Variants in CACNA2D3 observed in about 807,000 individuals in gnomAD.
The protein encoded by CACNA2D3 is voltage-dependent calcium channel subunit alpha-2/delta-3.
A neutral mutation model predicts 160.6 loss-of-function variants in CACNA2D3; 60 were observed. That is an observed-to-expected ratio of 0.37 (90% CI 0.30 to 0.46). CACNA2D3 has a LOEUF of 0.46. Among genes scored for constraint, CACNA2D3 ranks in the 20% least tolerant of loss-of-function variants. The pLI, the probability that CACNA2D3 is intolerant of heterozygous loss-of-function variation, is 1.00. For missense variants in CACNA2D3, 1,205 were observed against 1,365.0 expected, an observed-to-expected ratio of 0.88 and a Z score of 1.85; for synonymous variants, 558 against 492.9, an observed-to-expected ratio of 1.13 and a Z score of -1.75.
intron 2 of CACNA2D3, among the ~76,000 whole-genome samples, chr3:54,142,616 C>T (rs1699958201): frequency 6.6e-6 from 1 of 152,124 alleles, no homozygotes; most frequent in Admixed American, 6.5e-5. Context: ...GATGATGATA[C>T]ACTACTACTT....
At chr3:54,206,502 C>T (rs1378011968) in intron 2 of CACNA2D3, among the ~76,000 whole-genome samples, 1 of 152,174 alleles carries the variant, frequency 6.6e-6, no homozygotes, top group Non-Finnish European at 1.5e-5. Flanking sequence ...TTCTCTCCCT[C>T]ACACGCATTC....
intron 31 of CACNA2D3, among the ~76,000 whole-genome samples, chr3:54,996,863 T>A (rs1332266579): frequency 6.6e-6 from 1 of 152,204 alleles, no homozygotes; most frequent in African/African-American, 2.4e-5. Flanking sequence ...TCAGTTCGTG[T>A]CCTTTGCAGG....
intron 13 of CACNA2D3, among the ~76,000 whole-genome samples, chr3:54,773,165 G>A (rs1170643380): frequency 6.6e-6 from 1 of 152,186 alleles, no homozygotes; most frequent in African/African-American, 2.4e-5. Context: ...GTCCAACTTG[G>A]AGAAAACACT....
At chr3:54,977,840 T>C (rs1702424353) in intron 29 of CACNA2D3, among the ~76,000 whole-genome samples, 1 of 152,216 alleles carries the variant, frequency 6.6e-6, no homozygotes, top group African/African-American at 2.4e-5. Context: ...AAAACAAGTT[T>C]ATTAAGAACA....
intron 9 of CACNA2D3, among the ~76,000 whole-genome samples, chr3:54,622,400 C>T (rs112691585): frequency 0.013 from 1,983 of 152,192 alleles, 47 homozygotes; most frequent in African/African-American, 0.044. Flanking sequence ...CTCAGCCTCC[C>T]GAGTAGCTGG....
chr3:55,023,355 A>G (rs1254431370), intron 35 of CACNA2D3, among the ~76,000 whole-genome samples: 2 of 152,162 alleles, frequency 1.3e-5, no homozygotes, highest in African/African-American at 2.4e-5. Flanking sequence ...CCAGTTCACT[A>G]ATTTCCTTTT....
chr3:54,918,146 G>C, intron 27 of CACNA2D3: 2 of 239,182 alleles, frequency 8.4e-6, no homozygotes, highest in Non-Finnish European at 1.6e-5. Flanking sequence ...TTAATCCACA[G>C]AAGAGTACCT....
chr3:54,777,456 T>A (rs1702445727), intron 13 of CACNA2D3, among the ~76,000 whole-genome samples: 1 of 152,200 alleles, frequency 6.6e-6, no homozygotes, highest in Admixed American at 6.5e-5. Flanking sequence ...GAGAAATTTC[T>A]CTCTTGTTCT....
intron 27 of CACNA2D3, among the ~76,000 whole-genome samples, chr3:54,948,555 C>T (rs1290449880): frequency 1.3e-5 from 2 of 152,124 alleles, no homozygotes; most frequent in African/African-American, 4.8e-5. Flanking sequence ...TCAGCTAACT[C>T]GGTACAACTG....
intron 2 of CACNA2D3, among the ~76,000 whole-genome samples, chr3:54,285,497 CT>C (rs1702992286): frequency 6.6e-6 from 1 of 152,240 alleles, no homozygotes; most frequent in Non-Finnish European, 1.5e-5. Context: ...GGCTCCACCT[CT>C]GGGGGCAGGG....
At position 54,896,750 on chromosome 3, in the gene CACNA2D3, G is replaced by A; in HGVS notation, c.2248G>A (p.Asp750Asn). Residue 750 changes from aspartate (D) to asparagine (N), a missense_variant and splice_region_variant, in exon 26 of 38, where the codon GAC becomes AAC. Asp to Asn is a conservative substitution (Grantham distance 23). Coordinates refer to ENST00000474759, the MANE Select transcript of CACNA2D3 (RefSeq NM_018398.3). Reference sequence around the variant, plus strand: ...CTTCTGATTCTTTTCCACTTCAAGGGACTTCCTGAAAGCTGGCGACAAGGA... The same window carrying A: ...CTTCTGATTCTTTTCCACTTCAAGGAACTTCCTGAAAGCTGGCGACAAGGA... ...FVGAEQLTNQ[D>N]FLKAGDKENI... The A allele has an allele frequency of 1.2e-6, 2 of 1,613,952 alleles. No individual in the cohort carries two copies. Among genetic ancestry groups the A allele is most frequent in the Non-Finnish European group, 1.7e-6 (2 of 1,179,874 alleles).
intron 11 of CACNA2D3, among the ~76,000 whole-genome samples, chr3:54,695,572 T>C (rs1408730425): frequency 6.6e-6 from 1 of 152,182 alleles, no homozygotes; most frequent in Non-Finnish European, 1.5e-5. Context: ...GTACCAGTGC[T>C]CTCTTCCCCT....
chr3:54,857,991 TTTA>T (rs1440961038), intron 17 of CACNA2D3, among the ~76,000 whole-genome samples: 1 of 151,990 alleles, frequency 6.6e-6, no homozygotes, highest in Non-Finnish European at 1.5e-5. Flanking sequence ...TCTCGGCTGC[TTTA>T]TTATTTGAAG....
At chr3:54,671,209 G>A (rs1016773045) in intron 11 of CACNA2D3, among the ~76,000 whole-genome samples, 2 of 150,708 alleles carry the variant, frequency 1.3e-5, no homozygotes, top group East Asian at 3.9e-4. Flanking sequence ...TAGTAGCTGG[G>A]GTCTCATTTC....
intron 35 of CACNA2D3, among the ~76,000 whole-genome samples, chr3:55,039,043 A>G (rs895955811): frequency 3.3e-5 from 5 of 151,864 alleles, no homozygotes; most frequent in Non-Finnish European, 5.9e-5. Flanking sequence ...TGAAGCAGAG[A>G]TGCTGCCCTG....
intron 11 of CACNA2D3, among the ~76,000 whole-genome samples, chr3:54,665,428 T>G (rs1700046538): frequency 6.6e-6 from 1 of 152,266 alleles, no homozygotes. Flanking sequence ...TTCGCCTTCT[T>G]GCTCAATGAA....
chr3:54,740,631 A>G (rs995972950), intron 11 of CACNA2D3, among the ~76,000 whole-genome samples: 17 of 152,300 alleles, frequency 1.1e-4, no homozygotes, highest in Middle Eastern at 3.4e-3. Flanking sequence ...GGAGAATCAC[A>G]GGTAAAACAG....
chr3:54,684,891 C>T (rs1199103493), intron 11 of CACNA2D3, among the ~76,000 whole-genome samples: 1 of 152,084 alleles, frequency 6.6e-6, no homozygotes, highest in Non-Finnish European at 1.5e-5. Context: ...TCTACAAAGT[C>T]GCCTCCCTCT....
intron 2 of CACNA2D3, among the ~76,000 whole-genome samples, chr3:54,282,074 T>C (rs571511774): frequency 6.6e-6 from 1 of 152,330 alleles, no homozygotes; most frequent in South Asian, 2.1e-4. Flanking sequence ...TAGAAGGCTC[T>C]TCATCACATA....
Sources: gnomAD v4.1 joint callset for allele counts (sites outside exome capture counted in the v4.1 genomes callset) on GRCh38, gnomAD v4.1.1 for gene constraint, MANE v1.5 for transcripts, NCBI Gene and HGNC (gene_info 2026-07-23, HGNC 2026-07-21) for gene names.